The following ADGRV1 variants were observed in gnomAD, a reference collection of about 807,000 sequenced individuals.
The protein encoded by ADGRV1 is adhesion G protein-coupled receptor V1.
Under a neutral mutation model 596.2 loss-of-function variants are expected in ADGRV1, and 359 were observed. The observed-to-expected ratio is 0.60, with a 90% CI of 0.55 to 0.66. The LOEUF (loss-of-function observed/expected upper bound fraction) is 0.66, where lower values mean the gene tolerates loss of function less well. ADGRV1 is among the 30% of genes least tolerant of loss of function. ADGRV1 has a pLI of 0.00. For synonymous variants in ADGRV1, 2,681 were observed against 2,679.2 expected (o/e 1.00, Z -0.02); for missense variants, 7,274 against 7,575.6 (o/e 0.96, Z 1.48).
At chr5:90,899,797 C>A (rs1440947585) in intron 83 of ADGRV1, among the ~76,000 whole-genome samples, 1 of 152,060 alleles carries the variant, frequency 6.6e-6, no homozygotes, top group Non-Finnish European at 1.5e-5. Context: ...CTCTTTCCAC[C>A]TCAATCTGTT....
intron 84 of ADGRV1, among the ~76,000 whole-genome samples, chr5:90,974,468 A>T (rs1281470878): frequency 6.6e-6 from 1 of 152,210 alleles, no homozygotes; most frequent in Non-Finnish European, 1.5e-5. Flanking sequence ...GGCTACATTA[A>T]CCAAAACAGC....
chr5:90,807,704 T>A lies in ADGRV1; in HGVS notation c.14939T>A (p.Val4980Glu). ...PEAFVLHLSG[V>E]QSSAPGGAQL... ...GCCTTTGTTCTTCACCTATCAGGAG[T>A]GCAGAGCAGTGCTCCTGGCGGAGCT... Residue 4980 changes from valine (V) to glutamate (E), a missense_variant, in exon 73 of 90, where the codon GTG becomes GAG. Transcript: ENST00000405460. The A allele has an allele frequency of 6.3e-7, 1 of 1,587,304 alleles. No individual in the cohort carries two copies. The highest frequency in any genetic ancestry group is 8.6e-7 in the Non-Finnish European group (1 of 1,162,398).
chr5:90,584,500 G>A (rs1487540985), intron 1 of ADGRV1, among the ~76,000 whole-genome samples: 1 of 149,328 alleles, frequency 6.7e-6, no homozygotes, highest in Middle Eastern at 3.3e-3. Flanking sequence ...CTGTAATTTG[G>A]GTAGAGCTTG....
chr5:90,898,321 C>A (rs1032368435), intron 83 of ADGRV1, among the ~76,000 whole-genome samples: 13 of 152,046 alleles, frequency 8.6e-5, no homozygotes, highest in Non-Finnish European at 1.5e-5. Flanking sequence ...TATGCTTGGG[C>A]CAAAAAGTAG....
intron 1 of ADGRV1, among the ~76,000 whole-genome samples, chr5:90,607,860 T>C (rs1245022622): frequency 6.6e-6 from 1 of 152,102 alleles, no homozygotes; most frequent in Admixed American, 6.6e-5. Flanking sequence ...TATATATAGA[T>C]GATGAAGAAT....
intron 61 of ADGRV1, among the ~76,000 whole-genome samples, chr5:90,777,004 A>G (rs1448197590): frequency 1.3e-5 from 2 of 152,170 alleles, no homozygotes; most frequent in Non-Finnish European, 2.9e-5. Context: ...CAGAGTCTGT[A>G]TTAGTCTGTT....
At chr5:91,072,710 C>A in intron 86 of ADGRV1, 106 bp downstream of exon 86, 1 of 1,164,364 alleles carries the variant, frequency 8.6e-7, no homozygotes, top group Non-Finnish European at 1.2e-6. Flanking sequence ...GCTCATCTTT[C>A]AGCTCTGAAG....
Position 91,027,388 on chromosome 5 carries a change from C to T in ADGRV1, c.18152+41866C>T, listed in dbSNP as rs180925279. ...AATGCCTACAGTGGTGATTTCTGTTCATTTGCAATACTGAGAAGGTGAGAT... is the reference window on the plus strand; with the variant it reads ...AATGCCTACAGTGGTGATTTCTGTTTATTTGCAATACTGAGAAGGTGAGAT... On this transcript the variant is annotated intron_variant, in intron 85 of 89. Coordinates refer to ENST00000405460, the MANE Select transcript of ADGRV1 (RefSeq NM_032119.4). Among the ~76,000 whole-genome samples, 10 of 152,206 alleles carry T rather than the reference C, an allele frequency of 6.6e-5. No individual in the cohort carries two copies. In the East Asian group the frequency reaches 1.9e-3, roughly 29 times the overall value.
chr5:90,768,421 C>T (rs989797083), intron 59 of ADGRV1, among the ~76,000 whole-genome samples: 5 of 152,142 alleles, frequency 3.3e-5, no homozygotes, highest in African/African-American at 1.2e-4. Context: ...TAGTGGTATC[C>T]ACTCCATCAA....
chr5:90,823,164 G>A, intron 75 of ADGRV1, among the ~76,000 whole-genome samples: 1 of 152,214 alleles, frequency 6.6e-6, no homozygotes, highest in Middle Eastern at 3.4e-3. Context: ...TCCTTATACA[G>A]AGTATTAGGA....
At chr5:91,022,164 A>C (rs994428284) in intron 85 of ADGRV1, among the ~76,000 whole-genome samples, 1 of 152,128 alleles carries the variant, frequency 6.6e-6, no homozygotes, top group African/African-American at 2.4e-5. Flanking sequence ...AACTAGTTAA[A>C]ATAGCATAAT....
chr5:90,708,339 T>G (rs556002550), intron 38 of ADGRV1, among the ~76,000 whole-genome samples: 2 of 152,192 alleles, frequency 1.3e-5, no homozygotes, highest in East Asian at 1.9e-4. Flanking sequence ...GAGCTATTAT[T>G]GCCCCGTTAT....
At chr5:90,745,457 G>A in intron 51 of ADGRV1, 134 bp from the exon 52 acceptor site, 1 of 740,162 alleles carries the variant, frequency 1.4e-6, no homozygotes, top group South Asian at 2.1e-5. Flanking sequence ...TGAATATTTT[G>A]GATTAAAATT....
chr5:90,755,373 C>T (rs1043490224), intron 55 of ADGRV1, among the ~76,000 whole-genome samples, 188 bp downstream of exon 55: 1 of 152,040 alleles, frequency 6.6e-6, no homozygotes, highest in Non-Finnish European at 1.5e-5. Context: ...AACTGGCTGG[C>T]AAAAATGATG....
At chr5:90,817,931 T>C (rs916996737) in intron 75 of ADGRV1, among the ~76,000 whole-genome samples, 4 of 152,164 alleles carry the variant, frequency 2.6e-5, no homozygotes, top group Admixed American at 1.3e-4. Flanking sequence ...TTTAAAGTAG[T>C]TTTTTCCAAT....
chr5:90,615,000 A>G lies in ADGRV1; in HGVS notation c.188A>G (p.Asn63Ser), dbSNP rs1194517447. The G allele has an allele frequency of 2.7e-6, 4 of 1,469,124 alleles. No individual in the cohort carries two copies. Among genetic ancestry groups the G allele is most frequent in the Admixed American group, 2.4e-5 (1 of 41,814 alleles). The allele number at this position is 1,469,124 out of a possible 1,614,324, so 91.0% of individuals were successfully genotyped here. ...LIIERIGEPA[N>S]VTAIVSLYGE... ...ATTGAAAGGATAGGAGAGCCAGCAA[A>G]TGTTACTGCAATTGTATCGGTAAGA... The change falls in exon 2 of 90, where the codon AAT becomes AGT. Residue 63 changes from asparagine to serine, a missense_variant. Coordinates refer to ENST00000405460, the MANE Select transcript of ADGRV1 (RefSeq NM_032119.4).
At chr5:90,648,513 T>G (rs562302095) in intron 17 of ADGRV1, among the ~76,000 whole-genome samples, 1 of 152,328 alleles carries the variant, frequency 6.6e-6, no homozygotes, top group African/African-American at 2.4e-5. Context: ...CTCTAACGTT[T>G]GCATCGGGTC....
chr5:90,581,622 C>A (rs1443063027), intron 1 of ADGRV1, among the ~76,000 whole-genome samples: 1 of 152,142 alleles, frequency 6.6e-6, no homozygotes, highest in Admixed American at 6.5e-5. Context: ...GAAGCTTTGT[C>A]CCAGAGGGGC....
At chr5:90,969,858 G>T (rs1355249041) in intron 84 of ADGRV1, among the ~76,000 whole-genome samples, 1 of 152,224 alleles carries the variant, frequency 6.6e-6, no homozygotes, top group Non-Finnish European at 1.5e-5. Flanking sequence ...ATCTCACGGG[G>T]CCTGATCGGA....
Sources: gnomAD v4.1 joint callset for allele counts (sites outside exome capture counted in the v4.1 genomes callset) on GRCh38, gnomAD v4.1.1 for gene constraint, MANE v1.5 for transcripts, NCBI Gene and HGNC (gene_info 2026-07-23, HGNC 2026-07-21) for gene names.